The following PRKD1 variants were observed in gnomAD, a reference collection of about 807,000 sequenced individuals.
PRKD1 encodes serine/threonine-protein kinase D1.
In PRKD1, 63 loss-of-function variants were observed where a neutral mutation model predicts 95.9. The ratio of observed to expected loss-of-function variants is 0.66; its 90% CI spans 0.54 to 0.81. The LOEUF (loss-of-function observed/expected upper bound fraction) is 0.81. Among genes scored for constraint, PRKD1 ranks in the 30% least tolerant of loss-of-function variants. The probability of loss-of-function intolerance (pLI) is 0.00; values close to 1 mark genes in which losing one functional copy is unlikely to be tolerated. For missense variants in PRKD1, 1,048 were observed against 1,165.3 expected, an observed-to-expected ratio of 0.90 and a Z score of 1.47; for synonymous variants, 425 against 423.1, an observed-to-expected ratio of 1.00 and a Z score of -0.05.
intron 1 of PRKD1, among the ~76,000 whole-genome samples, chr14:29,778,527 A>G (rs1888881716): frequency 6.6e-6 from 1 of 152,240 alleles, no homozygotes; most frequent in Non-Finnish European, 1.5e-5. Context: ...CAAATAAACT[A>G]GAAAATCTAG....
chr14:29,872,586 G>C (rs1005441377), intron 1 of PRKD1, among the ~76,000 whole-genome samples: 8 of 151,546 alleles, frequency 5.3e-5, no homozygotes, highest in African/African-American at 1.9e-4. Flanking sequence ...AACCCGGGAG[G>C]CGGAGGCTGC....
chr14:29,865,949 T>A (rs913784155), intron 1 of PRKD1, among the ~76,000 whole-genome samples: 5 of 152,216 alleles, frequency 3.3e-5, no homozygotes, highest in Admixed American at 2.6e-4. Flanking sequence ...TTCAGGTTTA[T>A]AAGATATTTT....
At position 29,577,444 on chromosome 14, in the gene PRKD1, A is replaced by G; in HGVS notation, c.2533T>C (p.Trp845Arg). The G allele has an allele frequency of 1.9e-6, 3 of 1,613,692 alleles. No homozygotes were observed. The highest frequency in any genetic ancestry group is 2.5e-6 in the Non-Finnish European group (3 of 1,179,730). Residue 845 changes from tryptophan (W) to arginine (R), a missense_variant, in exon 18 of 18, where the codon TGG becomes CGG. By Grantham distance (101) the Trp-to-Arg change is moderately radical (BLOSUM62 -3). Around this residue, in one of 3 missense-constraint regions of PRKD1, gnomAD observed 739 missense variants for 861.9 expected, o/e 0.86. Coordinates refer to ENST00000331968, the MANE Select transcript of PRKD1 (RefSeq NM_002742.3). ...CATTCCAGCTCTCGCAAATCTAACCAGGTCTGATAGTCCTGAAGAAGAAAT... is the reference window on the plus strand; with the variant it reads ...CATTCCAGCTCTCGCAAATCTAACCGGGTCTGATAGTCCTGAAGAAGAAAT... ...SHPWLQDYQT[W>R]LDLRELECKI...
At chr14:29,870,348 G>A (rs8021375) in intron 1 of PRKD1, among the ~76,000 whole-genome samples, 11,006 of 152,082 alleles carry the variant, frequency 0.072, 546 homozygotes, top group Non-Finnish European at 0.1. Flanking sequence ...TCTTGAGCAC[G>A]TCTCAATGTA....
intron 4 of PRKD1, among the ~76,000 whole-genome samples, chr14:29,659,336 T>C (rs1882065854): frequency 6.6e-6 from 1 of 152,188 alleles, no homozygotes; most frequent in African/African-American, 2.4e-5. Context: ...GTTAATTAAT[T>C]CCATGGCTGT....
chr14:29,808,486 G>A (rs1244767651), intron 1 of PRKD1, among the ~76,000 whole-genome samples: 1 of 135,740 alleles, frequency 7.4e-6, no homozygotes, highest in Non-Finnish European at 1.5e-5. Flanking sequence ...TACAACCTCT[G>A]CCTCCTGGGT....
At chr14:29,826,802 C>A (rs190604479) in intron 1 of PRKD1, among the ~76,000 whole-genome samples, 1 of 22,786 alleles carries the variant, frequency 4.4e-5, no homozygotes, top group Non-Finnish European at 7.3e-5. Flanking sequence ...CATATATATA[C>A]ACATATATAT....
At chr14:29,694,302 A>G (rs760095362) in intron 2 of PRKD1, among the ~76,000 whole-genome samples, 1 of 152,234 alleles carries the variant, frequency 6.6e-6, no homozygotes, top group Non-Finnish European at 1.5e-5. Context: ...CATATAGAAT[A>G]TTTGTCAACT....
At chr14:29,686,913 T>G (rs1371900860) in intron 2 of PRKD1, among the ~76,000 whole-genome samples, 2 of 152,204 alleles carry the variant, frequency 1.3e-5, no homozygotes, top group Non-Finnish European at 2.9e-5. Context: ...ACTACCTGAC[T>G]GTTAACAACA....
chr14:29,843,022 G>T (rs891579954), intron 1 of PRKD1, among the ~76,000 whole-genome samples: 10 of 152,140 alleles, frequency 6.6e-5, no homozygotes, highest in Middle Eastern at 3.4e-3. Context: ...AGAAATAGAA[G>T]GTATTATTAA....
intron 1 of PRKD1, among the ~76,000 whole-genome samples, chr14:29,785,951 C>T (rs1889256572): frequency 6.7e-6 from 1 of 148,382 alleles, no homozygotes; most frequent in African/African-American, 2.5e-5. Flanking sequence ...CAGTTTTTCC[C>T]CATTTAGTAT....
At chr14:29,812,146 T>C (rs543653611) in intron 1 of PRKD1, 2 of 152,320 alleles carry the variant, frequency 1.3e-5, no homozygotes, top group South Asian at 4.1e-4. Flanking sequence ...AACTAGAGTT[T>C]TGCAAAATGT....
At chr14:29,797,158 A>G (rs966539191) in intron 1 of PRKD1, among the ~76,000 whole-genome samples, 2 of 152,196 alleles carry the variant, frequency 1.3e-5, no homozygotes, top group Non-Finnish European at 2.9e-5. Flanking sequence ...CTACATATCA[A>G]AAGCAAACCT....
At chr14:29,704,518 GC>G (rs965375410) in intron 2 of PRKD1, among the ~76,000 whole-genome samples, 43 of 152,058 alleles carry the variant, frequency 2.8e-4, no homozygotes, top group Non-Finnish European at 1.2e-4. Flanking sequence ...CCTTCAAAAA[GC>G]CTTCAAAGAG....
intron 1 of PRKD1, among the ~76,000 whole-genome samples, chr14:29,898,212 A>T (rs2139425277): frequency 6.6e-6 from 1 of 152,286 alleles, no homozygotes; most frequent in East Asian, 1.9e-4. Flanking sequence ...GCACATTAAG[A>T]CAAGAAAATA....
intron 2 of PRKD1, among the ~76,000 whole-genome samples, chr14:29,672,020 A>C (rs1024428159): frequency 1.3e-4 from 20 of 152,174 alleles, no homozygotes; most frequent in Admixed American, 1.2e-3. Context: ...TGTAAGTCTT[A>C]ACAGAAATCA....
intron 13 of PRKD1, among the ~76,000 whole-genome samples, chr14:29,621,386 CTCTT>C (rs1299451592): frequency 6.6e-6 from 1 of 151,878 alleles, no homozygotes; most frequent in African/African-American, 2.4e-5. Context: ...CTCTCTCCCT[CTCTT>C]TCTCTCTCTC....
intron 16 of PRKD1, among the ~76,000 whole-genome samples, chr14:29,596,705 A>T (rs45489202): frequency 0.035 from 5,367 of 152,242 alleles, 329 homozygotes; most frequent in African/African-American, 0.12. Context: ...CACACTTGAA[A>T]TATAGCCATC....
intron 1 of PRKD1, among the ~76,000 whole-genome samples, chr14:29,762,308 A>G (rs923769037): frequency 1.6e-4 from 24 of 151,936 alleles, no homozygotes; most frequent in Admixed American, 1.2e-3. Context: ...ATTACTATAG[A>G]CTCTTGAACT....
Sources: allele counts gnomAD v4.1 joint callset (sites outside exome capture counted in the v4.1 genomes callset), GRCh38; gene constraint gnomAD v4.1.1; regional missense constraint gnomAD v4.1.1; transcripts MANE v1.5; gene names NCBI Gene and HGNC (gene_info 2026-07-23, HGNC 2026-07-21).